TOX: variants seen among roughly 807,000 people sequenced by gnomAD.
TOX encodes thymocyte selection associated high mobility group box, also known as thymocyte selection-associated high mobility group box protein TOX.
A neutral mutation model predicts 53.7 loss-of-function variants in TOX; 11 were observed. That is an observed-to-expected ratio of 0.20 (90% CI 0.13 to 0.34). TOX has a LOEUF of 0.34. TOX is among the 10% of genes least tolerant of loss of function. The pLI is 1.00. For synonymous variants in TOX, 225 were observed against 245.3 expected, an observed-to-expected ratio of 0.92 and a Z score of 0.77; for missense variants, 570 against 664.6, an observed-to-expected ratio of 0.86 and a Z score of 1.56.
chr8:58,952,678 G>GT (rs1812640261), intron 2 of TOX, among the ~76,000 whole-genome samples: 1 of 152,084 alleles, frequency 6.6e-6, no homozygotes, highest in African/African-American at 2.4e-5. Flanking sequence ...TTGAGAATCT[G>GT]TTTTTACCAC....
At chr8:58,929,298 C>G (rs1812219839) in intron 3 of TOX, among the ~76,000 whole-genome samples, 1 of 152,008 alleles carries the variant, frequency 6.6e-6, no homozygotes, top group South Asian at 2.1e-4. Flanking sequence ...AAAGTCAAAT[C>G]TAGTATTTTA....
intron 1 of TOX, among the ~76,000 whole-genome samples, chr8:58,989,382 G>A (rs1813399209): frequency 6.6e-6 from 1 of 152,050 alleles, no homozygotes; most frequent in South Asian, 2.1e-4. Flanking sequence ...GTTATAAAGT[G>A]TCCTTTTTAC....
intron 7 of TOX, 117 bp downstream of exon 7, chr8:58,815,221 T>C (rs1414769087): frequency 3.7e-6 from 5 of 1,337,054 alleles, no homozygotes; most frequent in Non-Finnish European, 5.0e-6. Flanking sequence ...TTGACTTAAA[T>C]AGAAGGATAG....
At chr8:59,023,908 G>A (rs997929) in intron 1 of TOX, among the ~76,000 whole-genome samples, 2,467 of 152,262 alleles carry the variant, frequency 0.016, 68 homozygotes, top group African/African-American at 0.056. Context: ...TCTCACTTCA[G>A]TTAAGTTATG....
chr8:58,868,088 C>G (rs927092402), intron 3 of TOX, among the ~76,000 whole-genome samples: 2 of 152,092 alleles, frequency 1.3e-5, no homozygotes, highest in Non-Finnish European at 2.9e-5. Context: ...TTTCTGTGTT[C>G]TTGTGATAGT....
chr8:58,937,331 A>G (rs529474830), intron 3 of TOX, among the ~76,000 whole-genome samples: 4 of 152,238 alleles, frequency 2.6e-5, no homozygotes, highest in Non-Finnish European at 5.9e-5. Flanking sequence ...AGGCAAAATT[A>G]TCAAAGTCCA....
At chr8:58,905,482 GA>G (rs1411533201) in intron 3 of TOX, among the ~76,000 whole-genome samples, 1 of 152,154 alleles carries the variant, frequency 6.6e-6, no homozygotes. Context: ...TTTGGAAATG[GA>G]AAATACTTCC....
At chr8:59,017,476 C>T (rs1814038179) in intron 1 of TOX, among the ~76,000 whole-genome samples, 2 of 152,210 alleles carry the variant, frequency 1.3e-5, no homozygotes, top group South Asian at 4.1e-4. Flanking sequence ...AATTATAATG[C>T]TTCAAGGTCT....
rs760483808 is a variant in TOX at position 58,959,956 on chromosome 8, A to G, written c.155T>C (p.Val52Ala). 1 of 1,614,200 alleles carries G rather than the reference A, an allele frequency of 6.2e-7. No homozygotes were observed. Among genetic ancestry groups the G allele is most frequent in the South Asian group, 1.1e-5 (1 of 91,080 alleles). ...TAATTAACCCACCTGGCTGGCTGGCACATAGTCCTGGCTCGGCTCTGTCAT... is the reference window on the plus strand; with the variant it reads ...TAATTAACCCACCTGGCTGGCTGGCGCATAGTCCTGGCTCGGCTCTGTCAT... ...MSMTEPSQDY[V>A]PASQSYPGPS... Residue 52 changes from valine (V) to alanine (A), a missense_variant, in exon 2 of 9, where the codon GTG becomes GCG. By Grantham distance (64) the Val-to-Ala change is moderately conservative. Transcript: ENST00000361421.
chr8:58,868,546 G>A (rs976821527), intron 3 of TOX, among the ~76,000 whole-genome samples: 1 of 139,792 alleles, frequency 7.2e-6, no homozygotes, highest in Non-Finnish European at 1.6e-5. Flanking sequence ...GTCTTTAAAA[G>A]TTTTCAAAAT....
intron 1 of TOX, among the ~76,000 whole-genome samples, chr8:59,064,782 A>C (rs1804057143): frequency 6.6e-6 from 1 of 152,220 alleles, no homozygotes; most frequent in South Asian, 2.1e-4. Flanking sequence ...CAAAAGTAGA[A>C]TAAAACAAGA....
chr8:58,906,802 T>A (rs1156870997), intron 3 of TOX, among the ~76,000 whole-genome samples: 1 of 152,216 alleles, frequency 6.6e-6, no homozygotes, highest in Admixed American at 6.5e-5. Context: ...CTTGTTTGCT[T>A]TCTTTCCTTC....
intron 1 of TOX, among the ~76,000 whole-genome samples, chr8:59,085,603 G>T (rs1330647313): frequency 6.6e-6 from 1 of 152,158 alleles, no homozygotes; most frequent in Admixed American, 6.5e-5. Context: ...GCCCAGGCTG[G>T]TCTCAAACTC....
Position 58,808,044 on chromosome 8 carries a change from A to C in TOX, c.1544+74T>G, listed in dbSNP as rs553963822. Reference sequence around the variant, plus strand: ...CCCGGATCATGTTTTTGGAAACAAGAGAACGATCAACTAGGGACGATATGC... The same window carrying C: ...CCCGGATCATGTTTTTGGAAACAAGCGAACGATCAACTAGGGACGATATGC... On this transcript the variant is annotated intron_variant, in intron 8 of 8. Transcript: ENST00000361421. 8.9e-5 allele frequency: 136 copies of C among 1,532,808 alleles called. No individual in the cohort carries two copies. In the African/African-American group the frequency reaches 1.8e-3, roughly 20 times the overall value. 95.0% of individuals were successfully genotyped at this position (1,532,808 alleles called of 1,614,324 possible). A position where few individuals can be genotyped will look rare whatever the true frequency, so the allele number is the denominator to read the frequency against.
At chr8:58,924,189 C>G (rs1812118230) in intron 3 of TOX, among the ~76,000 whole-genome samples, 1 of 152,202 alleles carries the variant, frequency 6.6e-6, no homozygotes, top group African/African-American at 2.4e-5. Flanking sequence ...CATCAAACAT[C>G]TTGCTATTTT....
At chr8:59,110,484 T>C (rs571955159) in intron 1 of TOX, among the ~76,000 whole-genome samples, 1 of 152,266 alleles carries the variant, frequency 6.6e-6, no homozygotes, top group Admixed American at 6.5e-5. Context: ...AATCAGGCAG[T>C]GCTTTAGGCC....
chr8:59,118,386 G>A lies in TOX; in HGVS notation c.102+500C>T, dbSNP rs379771. Among the ~76,000 whole-genome samples, 20,121 of 152,080 alleles carry A rather than the reference G, an allele frequency of 0.13. 1,599 individuals carry two copies. The highest frequency in any genetic ancestry group is 0.22 in the African/African-American group (8,955 of 41,470). On this transcript the variant is annotated intron_variant, in intron 1 of 8. Coordinates refer to ENST00000361421, the MANE Select transcript of TOX (RefSeq NM_014729.3). The surrounding 1 kb of genome is among the most constrained non-coding windows in gnomAD (Gnocchi z 4.1). ...GGGCAGTTTTCCCTGTGGGGGGCAG[G>A]GGCGCCTCCCAGGTCCCTGCACCCC...
intron 1 of TOX, among the ~76,000 whole-genome samples, chr8:58,976,743 A>T (rs1341554427): frequency 1.3e-5 from 2 of 152,252 alleles, no homozygotes; most frequent in Non-Finnish European, 2.9e-5. Flanking sequence ...AATGGATGTT[A>T]TGCTAACAGG....
intron 3 of TOX, among the ~76,000 whole-genome samples, chr8:58,920,586 T>C (rs1458095042): frequency 8.1e-5 from 7 of 86,600 alleles, no homozygotes; most frequent in Middle Eastern, 4.6e-3. Context: ...AGGGATAGCA[T>C]TGGGAGATAT....
Sources: allele counts gnomAD v4.1 joint callset (sites outside exome capture counted in the v4.1 genomes callset), GRCh38; gene constraint gnomAD v4.1.1; non-coding constraint Gnocchi (gnomAD v3.1); transcripts MANE v1.5; gene names NCBI Gene and HGNC (gene_info 2026-07-23, HGNC 2026-07-21).